Variants in DLC1 observed in about 807,000 individuals in gnomAD.
DLC1 encodes the protein DLC1 Rho GTPase activating protein.
In DLC1, 54 loss-of-function variants were observed where a neutral mutation model predicts 140.3. The ratio of observed to expected loss-of-function variants is 0.38; its 90% CI spans 0.31 to 0.48. The LOEUF is 0.48. Ranked by LOEUF, DLC1 falls within the 20% of genes least tolerant of loss-of-function variation. The pLI, the probability that DLC1 is intolerant of heterozygous loss-of-function variation, is 0.96. For missense variants in DLC1, 2,536 were observed against 1,907.0 expected, an observed-to-expected ratio of 1.33 and a Z score of -6.14; for synonymous variants, 986 against 728.1, an observed-to-expected ratio of 1.35 and a Z score of -5.70.
At position 13,567,394 on chromosome 8, in the gene DLC1, C is replaced by T. The variant is rs536081281; in HGVS notation, c.-126+37143G>A. ...CACCATGAAGATAAATTTGATTCATCGTAGAGGGGATTCTAAGAAGAAGAC... is the reference window on the plus strand; with the variant it reads ...CACCATGAAGATAAATTTGATTCATTGTAGAGGGGATTCTAAGAAGAAGAC... On this transcript the variant is annotated intron_variant, in intron 1 of 1. Transcript: ENST00000631382. 140 of 1,551,626 alleles carry T rather than the reference C, an allele frequency of 9.0e-5. No homozygotes were observed. The East Asian group carries it at 3.2e-3, about 35-fold the overall frequency.
intron 5 of DLC1, among the ~76,000 whole-genome samples, chr8:13,252,949 T>C (rs924621320): frequency 6.6e-6 from 1 of 152,212 alleles, no homozygotes; most frequent in Admixed American, 6.5e-5. Flanking sequence ...ATCCTACCCT[T>C]CTGTGTTCAC....
At chr8:13,422,191 T>A (rs780922911) in intron 2 of DLC1, among the ~76,000 whole-genome samples, 17 of 152,136 alleles carry the variant, frequency 1.1e-4, no homozygotes, top group Non-Finnish European at 1.9e-4. Flanking sequence ...ATATAGCATA[T>A]ATATTTAATG....
rs759214687 is a variant in DLC1 at position 13,088,559 on chromosome 8, C to T, written c.4220G>A (p.Ser1407Asn). 1.9e-6 allele frequency: 3 copies of T among 1,614,018 alleles called. No individual in the cohort carries two copies. The highest frequency in any genetic ancestry group is 2.5e-6 in the Non-Finnish European group (3 of 1,180,040). ...GACATACTGGTAAATTTCAGTTTGG[C>T]TGTCCAGAATTTCGATCACTTTTGA... is the stretch of plus-strand genomic sequence containing the variant. ...LDSKVIEILD[S>N]QTEIYQYVQN... Residue 1407 changes from serine (S) to asparagine (N), a missense_variant, in exon 16 of 18, where the codon AGC becomes AAC. Physicochemically the swap from Ser to Asn is conservative, Grantham distance 46. Transcript: ENST00000276297.
At chr8:13,231,855 A>G (rs1441649927) in intron 5 of DLC1, among the ~76,000 whole-genome samples, 2 of 152,224 alleles carry the variant, frequency 1.3e-5, no homozygotes, top group Admixed American at 6.5e-5. Context: ...CGTTTCTTGT[A>G]TGTAGATATG....
intron 2 of DLC1, among the ~76,000 whole-genome samples, chr8:13,453,519 T>TATATATATAC (rs1563360744): frequency 2.2e-5 from 1 of 44,684 alleles, no homozygotes; most frequent in African/African-American, 9.5e-5. Context: ...TATATACATA[T>TATATATATAC]ATATATATGT....
chr8:13,498,773 T>C, intron 2 of DLC1: 3 of 310,464 alleles, frequency 9.7e-6, no homozygotes, highest in Non-Finnish European at 1.8e-5. Context: ...TAATTCCAAC[T>C]AAAGAAAGGG....
rs575773551 is a variant in DLC1, at chr8:13,292,668, G to A, written c.1348+12601C>T. On this transcript the variant is annotated intron_variant, in intron 5 of 17. Transcript: ENST00000276297. ...CACAGACATGCTCCCCACGTCCTAC[G>A]TACAAGTGTATTTTTTTAAATAGAA... 1.3e-4 allele frequency among the ~76,000 whole-genome samples: 20 copies of A among 151,950 alleles called. No homozygotes were observed. The South Asian group carries it at 3.3e-3, about 25-fold the overall frequency.
chr8:13,519,013 A>G (rs1392418079), upstream of DLC1, among the ~76,000 whole-genome samples: 3 of 152,042 alleles, frequency 2.0e-5, no homozygotes, highest in African/African-American at 4.8e-5. Flanking sequence ...TTATTATACT[A>G]TAAGTTCTAG....
chr8:13,328,892 G>A (rs970493913), intron 4 of DLC1, among the ~76,000 whole-genome samples: 1 of 152,160 alleles, frequency 6.6e-6, no homozygotes, highest in African/African-American at 2.4e-5. Context: ...GGTGAGATGA[G>A]AATGCAAATG....
intron 3 of DLC1, among the ~76,000 whole-genome samples, chr8:13,400,792 G>T (rs1158956243): frequency 6.6e-6 from 1 of 151,466 alleles, no homozygotes; most frequent in African/African-American, 2.4e-5. Flanking sequence ...TCCTAGATCT[G>T]CACAAACTAA....
At chr8:13,502,578 T>C (rs764317324) in intron 1 of DLC1, among the ~76,000 whole-genome samples, 1 of 152,216 alleles carries the variant, frequency 6.6e-6, no homozygotes, top group Non-Finnish European at 1.5e-5. Context: ...AGCATTAGAT[T>C]ATTGTCAATC....
At chr8:13,569,524 C>T (rs1804572740) in intron 1 of DLC1, among the ~76,000 whole-genome samples, 1 of 152,060 alleles carries the variant, frequency 6.6e-6, no homozygotes, top group Non-Finnish European at 1.5e-5. Flanking sequence ...AATCAAAATT[C>T]TGAATAATTT....
intron 2 of DLC1, among the ~76,000 whole-genome samples, chr8:13,421,748 C>T (rs965774390): frequency 6.6e-6 from 1 of 152,152 alleles, no homozygotes; most frequent in Non-Finnish European, 1.5e-5. Context: ...ATCATTAAGA[C>T]CTGTTTGTTT....
At chr8:13,562,372 A>T (rs903329945) in intron 1 of DLC1, among the ~76,000 whole-genome samples, 1 of 152,162 alleles carries the variant, frequency 6.6e-6, no homozygotes, top group Admixed American at 6.6e-5. Context: ...GAGAATTGAA[A>T]AGAAAAAAAC....
chr8:13,572,094 T>C (rs760932741), intron 1 of DLC1, among the ~76,000 whole-genome samples: 2 of 45,916 alleles, frequency 4.4e-5, no homozygotes, highest in African/African-American at 2.3e-4. Context: ...TATTATTATT[T>C]ATTTTTTTTT....
intron 4 of DLC1, among the ~76,000 whole-genome samples, chr8:13,390,476 C>T (rs1217491226): frequency 6.6e-6 from 1 of 152,092 alleles, no homozygotes; most frequent in African/African-American, 2.4e-5. Context: ...ATTTATACTC[C>T]TTTGGATATA....
At chr8:13,296,179 C>T (rs182382609) in intron 5 of DLC1, among the ~76,000 whole-genome samples, 1 of 151,974 alleles carries the variant, frequency 6.6e-6, no homozygotes, top group East Asian at 1.9e-4. Context: ...TGGTCTCGAG[C>T]TCTTGGCCTC....
chr8:13,149,666 C>T (rs1214773954), intron 5 of DLC1, among the ~76,000 whole-genome samples: 1 of 152,184 alleles, frequency 6.6e-6, no homozygotes, highest in Non-Finnish European at 1.5e-5. Context: ...TGATGACATT[C>T]CCCCTATCTT....
intron 2 of DLC1, among the ~76,000 whole-genome samples, chr8:13,412,408 T>G (rs1837820138): frequency 6.6e-6 from 1 of 152,124 alleles, no homozygotes; most frequent in African/African-American, 2.4e-5. Context: ...ATACCTATCT[T>G]AGAAAATTAC....
Sources: allele counts gnomAD v4.1 joint callset (sites outside exome capture counted in the v4.1 genomes callset), GRCh38; gene constraint gnomAD v4.1.1; transcripts MANE v1.5; gene names NCBI Gene and HGNC (gene_info 2026-07-23, HGNC 2026-07-21).